The following CEP295 variants were observed in gnomAD, a reference collection of about 807,000 sequenced individuals.
The protein encoded by CEP295 is centrosomal protein of 295 kDa.
Under a neutral mutation model 291.6 loss-of-function variants are expected in CEP295, and 190 were observed. The observed-to-expected ratio is 0.65, with a 90% CI of 0.58 to 0.73. CEP295 has a LOEUF of 0.73. CEP295 is among the 30% of genes least tolerant of loss of function. The pLI, the probability that CEP295 is intolerant of heterozygous loss-of-function variation, is 0.00. For synonymous variants in CEP295, 993 were observed against 1,038.8 expected, an observed-to-expected ratio of 0.96 and a Z score of 0.85; for missense variants, 2,863 against 2,949.4, an observed-to-expected ratio of 0.97 and a Z score of 0.68.
In CEP295 at chr11:93,691,676, A is replaced by G. The variant is rs781346859; in HGVS notation, c.1337-7A>G. The G allele has an allele frequency of 2.7e-6, 4 of 1,496,544 alleles. No homozygotes were observed. Among genetic ancestry groups the G allele is most frequent in the African/African-American group, 1.4e-5 (1 of 71,564 alleles). 92.7% of individuals were successfully genotyped at this position (1,496,544 alleles called of 1,614,324 possible). On this transcript the variant is annotated splice_region_variant and splice_polypyrimidine_tract_variant and intron_variant, in intron 10 of 29. Transcript: ENST00000325212. The stretch of plus-strand genomic sequence containing the variant: ...ATTCAAAATAACAGTGGTATTATCT[A>G]TTACAGTTGTTGAAAGTGATACACT...
chr11:93,724,443 GAAC>G, intron 22 of CEP295, 68 bp downstream of exon 22: 1 of 1,445,074 alleles, frequency 6.9e-7, no homozygotes, highest in Non-Finnish European at 9.4e-7. Context: ...TCTTCTACTG[GAAC>G]AAAAGTTCTT....
At chr11:93,728,024 G>A (rs747151531) in intron 24 of CEP295, 1 of 169,582 alleles carries the variant, frequency 5.9e-6, no homozygotes. Flanking sequence ...CTGTGCTTCA[G>A]CACTTTCAGT....
At chr11:93,690,969 C>T (rs918862304) in intron 10 of CEP295, among the ~76,000 whole-genome samples, 2 of 152,180 alleles carry the variant, frequency 1.3e-5, no homozygotes, top group African/African-American at 4.8e-5. Flanking sequence ...CCTTACCTTT[C>T]AAGTGTCTGC....
In CEP295 at chr11:93,697,742, C is replaced by T. The variant is rs1197105087; in HGVS notation, c.2830C>T (p.Leu944=). ...GCGTTTGAGTCTTTCACAGCCTATC[C>T]TATCACAGCAAAATAATTTTAAATT... ...DKRLSLSQPI[L]SQQNNFKFLQ... is the part of the protein sequence containing the mutation. The change falls in exon 15 of 30, where the codon CTA becomes TTA. Residue 944 remains leucine, a synonymous_variant. Coordinates refer to ENST00000325212, the MANE Select transcript of CEP295 (RefSeq NM_033395.2). 2 of 1,551,502 alleles carry T rather than the reference C, an allele frequency of 1.3e-6. No homozygotes were observed. The highest frequency in any genetic ancestry group is 1.7e-6 in the Non-Finnish European group (2 of 1,146,990).
Position 93,700,150 on chromosome 11 carries a change from T to G in CEP295, c.5238T>G (p.His1746Gln), listed in dbSNP as rs1952062196. The change falls in exon 15 of 30, where the codon CAT becomes CAG. Residue 1746 changes from histidine to glutamine, a missense_variant. By Grantham distance (24) the His-to-Gln change is conservative. This residue lies in a region of CEP295 where 2,295 missense variants were observed against 2,335.7 expected (regional missense o/e 0.98). Transcript: ENST00000325212. ...CATTGCAGCAGCAGATACAGAAACA[T>G]GAAGAGACTTTGAAGGATTTCTTTA... The part of the protein sequence containing the change: ...QTALQQQIQK[H>Q]EETLKDFFKD... 1 of 1,550,372 alleles carries G rather than the reference T, an allele frequency of 6.5e-7. No homozygotes were observed. The highest frequency in any genetic ancestry group is 1.2e-5 in the South Asian group (1 of 83,752).
chr11:93,716,571 C>G (rs969886695), intron 18 of CEP295, among the ~76,000 whole-genome samples: 10 of 152,190 alleles, frequency 6.6e-5, no homozygotes, highest in African/African-American at 1.4e-4. Flanking sequence ...ATTGAGTGCA[C>G]TCAGACCCAG....
At chr11:93,712,151 G>A (rs1234773264) in intron 18 of CEP295, among the ~76,000 whole-genome samples, 1 of 151,524 alleles carries the variant, frequency 6.6e-6, no homozygotes, top group East Asian at 1.9e-4. Context: ...GTGCATATAT[G>A]TTTATAATTG....
Position 93,700,158 on chromosome 11 carries a change from CTT to C in CEP295, c.5248_5249del (p.Leu1750GlufsTer5). On this transcript the variant is annotated frameshift_variant, in exon 15 of 30. Coordinates refer to ENST00000325212, the MANE Select transcript of CEP295 (RefSeq NM_033395.2). LOFTEE classifies it high-confidence loss of function. ...CAGCAGATACAGAAACATGAAGAGA[CTT>C]TGAAGGATTTCTTTAAAGACAGTCA... is the stretch of plus-strand genomic sequence containing the variant. 1 of 1,548,610 alleles carries C rather than the reference CTT, an allele frequency of 6.5e-7. No individual in the cohort carries two copies. The highest frequency in any genetic ancestry group is 8.7e-7 in the Non-Finnish European group (1 of 1,146,160).
In CEP295 at chr11:93,691,846, T is replaced by C. The variant is rs1408204372; in HGVS notation, c.1429+71T>C. ...TCTTTTTTTTAAATAAAATTACATG[T>C]GATATATTAAGAAAGGGCATTATAG... On this transcript the variant is annotated intron_variant, in intron 11 of 29. Transcript: ENST00000325212. 4.7e-6 allele frequency: 6 copies of C among 1,283,998 alleles called. No individual in the cohort carries two copies. In the African/African-American group the frequency reaches 6.0e-5, roughly 13 times the overall value. 79.5% of individuals were successfully genotyped at this position (1,283,998 alleles called of 1,614,324 possible).
At chr11:93,672,595 TC>T (rs1401052439) in intron 5 of CEP295, among the ~76,000 whole-genome samples, 1 of 152,108 alleles carries the variant, frequency 6.6e-6, no homozygotes, top group Non-Finnish European at 1.5e-5. Flanking sequence ...GCATTTTTTT[TC>T]TTCTTTTCCA....
chr11:93,684,793 A>C (rs955410388), intron 9 of CEP295, among the ~76,000 whole-genome samples: 5 of 152,162 alleles, frequency 3.3e-5, no homozygotes, highest in African/African-American at 1.2e-4. Context: ...TGGATCTCTT[A>C]TTTGGCATCT....
chr11:93,677,989 C>T (rs1950778762), intron 6 of CEP295, among the ~76,000 whole-genome samples: 2 of 152,070 alleles, frequency 1.3e-5, no homozygotes, highest in South Asian at 4.1e-4. Context: ...GAAGTATGAT[C>T]AATAAGAACA....
chr11:93,689,072 A>G (rs1238158159), intron 10 of CEP295, among the ~76,000 whole-genome samples: 1 of 152,062 alleles, frequency 6.6e-6, no homozygotes, highest in Non-Finnish European at 1.5e-5. Flanking sequence ...CCATAGTCCA[A>G]CCATTTCTTT....
At chr11:93,666,237 T>A (rs1399524762) in intron 1 of CEP295, among the ~76,000 whole-genome samples, 1 of 152,208 alleles carries the variant, frequency 6.6e-6, no homozygotes, top group Non-Finnish European at 1.5e-5. Context: ...TTGGACTTCG[T>A]TTACTCAAAT....
Position 93,699,387 on chromosome 11 carries a change from T to C in CEP295, c.4475T>C (p.Val1492Ala). 1 of 1,551,812 alleles carries C rather than the reference T, an allele frequency of 6.4e-7. No homozygotes were observed. Among genetic ancestry groups the C allele is most frequent in the Non-Finnish European group, 8.7e-7 (1 of 1,146,976 alleles). Residue 1492 changes from valine (V) to alanine (A), a missense_variant, in exon 15 of 30, where the codon GTA (valine) becomes GCA (alanine). Around this residue, in one of 3 missense-constraint regions of CEP295, gnomAD observed 2,295 missense variants for 2,335.7 expected, o/e 0.98. Transcript: ENST00000325212. ...LSKPCKFEEK[V>A]SSEHFIQSHH... ...AAACCATGTAAATTTGAGGAAAAGGTATCTTCTGAGCATTTTATCCAGTCT... is the reference window on the plus strand; with the variant it reads ...AAACCATGTAAATTTGAGGAAAAGGCATCTTCTGAGCATTTTATCCAGTCT...
chr11:93,668,724 T>C (rs372676439), intron 3 of CEP295, 84 bp from the exon 4 acceptor site: 3 of 1,036,484 alleles, frequency 2.9e-6, no homozygotes, highest in African/African-American at 3.3e-5. Flanking sequence ...GATGACAAAA[T>C]TGATAAATCA....
At chr11:93,701,173 T>G (rs1299671360) in intron 15 of CEP295, among the ~76,000 whole-genome samples, 12 of 152,160 alleles carry the variant, frequency 7.9e-5, no homozygotes, top group Admixed American at 7.2e-4. Context: ...AAGATCAGCC[T>G]GGGCAACATG....
rs1382645486 is a variant in CEP295, at chr11:93,706,741, C to A, written c.5597-4C>A. On this transcript the variant is annotated splice_region_variant and splice_polypyrimidine_tract_variant and intron_variant, in intron 17 of 29. Coordinates refer to ENST00000325212, the MANE Select transcript of CEP295 (RefSeq NM_033395.2). ...TTGAAGTGGAAATATTTTTTCCCCC[C>A]CAGGTAAACCAGGTATTTATGAAGA... 5.3e-6 allele frequency: 8 copies of A among 1,510,592 alleles called. No homozygotes were observed. The highest frequency in any genetic ancestry group is 1.7e-4 in the Middle Eastern group (1 of 5,808). 93.6% of individuals were successfully genotyped at this position (1,510,592 alleles called of 1,614,324 possible).
intron 17 of CEP295, among the ~76,000 whole-genome samples, chr11:93,704,259 T>A (rs1190435467): frequency 6.6e-6 from 1 of 152,162 alleles, no homozygotes. Flanking sequence ...AAAAAAAAGC[T>A]GTAATGTTAA....
Sources: gnomAD v4.1 joint callset for allele counts (sites outside exome capture counted in the v4.1 genomes callset) on GRCh38, gnomAD v4.1.1 for gene constraint, gnomAD v4.1.1 regional missense constraint, MANE v1.5 for transcripts, NCBI Gene and HGNC (gene_info 2026-07-23, HGNC 2026-07-21) for gene names.